The following IGF2BP2 variants were observed in gnomAD, a reference collection of about 807,000 sequenced individuals.
The protein encoded by IGF2BP2 is insulin like growth factor 2 mRNA binding protein 2, also known as insulin-like growth factor 2 mRNA-binding protein 2.
IGF2BP2 carries 17 observed loss-of-function variants against 75.8 expected under a neutral mutation model. The ratio of observed to expected loss-of-function variants is 0.22; its 90% confidence interval spans 0.15 to 0.34. IGF2BP2 has a LOEUF of 0.34. IGF2BP2 is among the 10% of genes least tolerant of loss of function. The pLI, the probability that IGF2BP2 is intolerant of heterozygous loss-of-function variation, is 1.00. For missense variants in IGF2BP2, 516 were observed against 772.4 expected (o/e 0.67, Z 3.93); for synonymous variants, 288 against 295.6 (o/e 0.97, Z 0.26).
intron 2 of IGF2BP2, among the ~76,000 whole-genome samples, chr3:185,763,766 T>C (rs1732686670): frequency 6.6e-6 from 1 of 152,218 alleles, no homozygotes; most frequent in Non-Finnish European, 1.5e-5. Flanking sequence ...AGTGGTTATC[T>C]CCAGGAAGTG....
At chr3:185,652,628 A>G (rs980934751) in intron 12 of IGF2BP2, among the ~76,000 whole-genome samples, 13 of 152,204 alleles carry the variant, frequency 8.5e-5, no homozygotes, top group Non-Finnish European at 1.5e-4. Context: ...TCAGCTCACA[A>G]GGGTAGTCAG....
chr3:185,798,476 T>C (rs1029750002), intron 2 of IGF2BP2, among the ~76,000 whole-genome samples: 7 of 152,234 alleles, frequency 4.6e-5, no homozygotes, highest in Non-Finnish European at 8.8e-5. Context: ...CATGAATTTT[T>C]CTTACACAAC....
intron 2 of IGF2BP2, among the ~76,000 whole-genome samples, chr3:185,708,820 T>C (rs1724409612): frequency 6.6e-6 from 1 of 152,154 alleles, no homozygotes; most frequent in Non-Finnish European, 1.5e-5. Flanking sequence ...AGTACAAACA[T>C]GCATTTGGAT....
chr3:185,716,152 T>C lies in IGF2BP2; in HGVS notation c.240-17805A>G, dbSNP rs562900444. Among the ~76,000 whole-genome samples the C allele has an allele frequency of 4.7e-4, 72 of 152,164 alleles. 2 individuals are homozygous for C. The highest frequency in any genetic ancestry group is 1.7e-3 in the African/African-American group (72 of 41,540). ...TGTTTTAGGTTAGTAGAGGGTATGA[T>C]TGAATAACATGATTAAAAAAAAAAA... On this transcript the variant is annotated intron_variant, in intron 2 of 15. Transcript: ENST00000382199.
chr3:185,695,299 G>A (rs1394395731), intron 4 of IGF2BP2, among the ~76,000 whole-genome samples: 2 of 152,268 alleles, frequency 1.3e-5, no homozygotes, highest in African/African-American at 4.8e-5. Flanking sequence ...AAAATGGGTT[G>A]TTTGCAATTT....
At chr3:185,756,193 C>T (rs1170693106) in intron 2 of IGF2BP2, among the ~76,000 whole-genome samples, 1 of 152,176 alleles carries the variant, frequency 6.6e-6, no homozygotes, top group Non-Finnish European at 1.5e-5. Context: ...GGACCTCCCC[C>T]TTCTCACTCT....
Position 185,675,883 on chromosome 3 carries a change from T to G in IGF2BP2, c.843A>C (p.Ala281=). ...LAEEIPLKIL[A]HNGLVGRLIG... The stretch of plus-strand genomic sequence containing the variant: ...TCAGTCTTCCAACCAAGCCATTGTG[T>G]GCCAAGATTTTCAGAGGAATCTCTT... Residue 281 remains alanine (A), a synonymous_variant, in exon 8 of 16, where the codon GCA becomes GCC. Coordinates refer to ENST00000382199, the MANE Select transcript of IGF2BP2 (RefSeq NM_006548.6). The G allele has an allele frequency of 6.2e-7, 1 of 1,614,084 alleles. No individual in the cohort carries two copies. Among genetic ancestry groups the G allele is most frequent in the Non-Finnish European group, 8.5e-7 (1 of 1,179,980 alleles).
rs115583090 is a variant in IGF2BP2, at chr3:185,812,907, A to G, written c.239+10246T>C. The stretch of plus-strand genomic sequence containing the variant: ...CCTAGAAATTTATAAGGCAGGTATT[A>G]ACACCGTGACCACAATCGATACTTG... On this transcript the variant is annotated intron_variant, in intron 2 of 15. Transcript: ENST00000382199. Among the ~76,000 whole-genome samples the G allele has an allele frequency of 1.2e-3, 182 of 152,342 alleles. 1 individual carries two copies. Among genetic ancestry groups the G allele is most frequent in the African/African-American group, 4.2e-3 (173 of 41,584 alleles).
chr3:185,652,031 T>C, intron 13 of IGF2BP2, 63 bp downstream of exon 13: 2 of 1,308,388 alleles, frequency 1.5e-6, no homozygotes, highest in Non-Finnish European at 2.1e-6. Context: ...GCCTTGAATG[T>C]GCCTCTGAGG....
chr3:185,795,189 G>A (rs935156353), intron 2 of IGF2BP2, among the ~76,000 whole-genome samples: 7 of 152,088 alleles, frequency 4.6e-5, no homozygotes, highest in Admixed American at 1.3e-4. Context: ...GAGCCACCAC[G>A]CCCAGCCTCC....
chr3:185,727,576 A>T (rs1475641893), intron 2 of IGF2BP2, among the ~76,000 whole-genome samples: 1 of 152,216 alleles, frequency 6.6e-6, no homozygotes, highest in African/African-American at 2.4e-5. Context: ...AAAAGACTTT[A>T]CTTGAAATCC....
chr3:185,821,527 T>C (rs957011946), intron 2 of IGF2BP2, among the ~76,000 whole-genome samples: 3 of 152,198 alleles, frequency 2.0e-5, no homozygotes, highest in African/African-American at 7.2e-5. Context: ...GTGAGAAGTT[T>C]TAGGAGCTGT....
chr3:185,648,765 A>T (rs1380754067), intron 14 of IGF2BP2, among the ~76,000 whole-genome samples: 3 of 152,152 alleles, frequency 2.0e-5, no homozygotes, highest in Non-Finnish European at 4.4e-5. Flanking sequence ...TTGTTCCTGC[A>T]CCTTCCAGTA....
At chr3:185,654,885 T>C (rs1185791131) in intron 12 of IGF2BP2, among the ~76,000 whole-genome samples, 5 of 152,074 alleles carry the variant, frequency 3.3e-5, no homozygotes, top group African/African-American at 2.4e-5. Flanking sequence ...TCTCTTGGAG[T>C]GCATCACCCA....
At chr3:185,670,611 C>T (rs1388942930) in intron 10 of IGF2BP2, among the ~76,000 whole-genome samples, 2 of 152,124 alleles carry the variant, frequency 1.3e-5, no homozygotes, top group East Asian at 3.8e-4. Context: ...CTCTGTTGCC[C>T]AGGCTGGAGT....
At chr3:185,712,100 C>CAG (rs1413663519) in intron 2 of IGF2BP2, among the ~76,000 whole-genome samples, 1 of 152,172 alleles carries the variant, frequency 6.6e-6, no homozygotes, top group African/African-American at 2.4e-5. Context: ...TAAAGTTATA[C>CAG]AGAGTCACCT....
intron 2 of IGF2BP2, among the ~76,000 whole-genome samples, chr3:185,774,351 T>G (rs1375164424): frequency 2.0e-5 from 3 of 152,064 alleles, no homozygotes; most frequent in Non-Finnish European, 4.4e-5. Flanking sequence ...AGGCCTGCAC[T>G]TTGGGAGGCC....
chr3:185,672,867 T>C (rs1299899253), intron 9 of IGF2BP2, among the ~76,000 whole-genome samples, 198 bp from the exon 10 acceptor site: 2 of 152,148 alleles, frequency 1.3e-5, no homozygotes, highest in Admixed American at 6.5e-5. Context: ...TCTGCCACAC[T>C]TGGGCATGTC....
chr3:185,815,114 G>GT (rs1431531739), intron 2 of IGF2BP2, among the ~76,000 whole-genome samples: 2 of 151,936 alleles, frequency 1.3e-5, no homozygotes, highest in Non-Finnish European at 2.9e-5. Flanking sequence ...ATACATGTAT[G>GT]TTTTTTACAC....
Sources: allele counts gnomAD v4.1 joint callset (sites outside exome capture counted in the v4.1 genomes callset), GRCh38; gene constraint gnomAD v4.1.1; transcripts MANE v1.5; gene names NCBI Gene and HGNC (gene_info 2026-07-23, HGNC 2026-07-21).